LRMDA: variants seen among roughly 807,000 people sequenced by gnomAD.
The protein encoded by LRMDA is leucine rich melanocyte differentiation associated.
LRMDA carries 18 observed loss-of-function variants against 29.8 expected under a neutral mutation model. The ratio of observed to expected loss-of-function variants is 0.60; its 90% confidence interval spans 0.42 to 0.90. LRMDA has a LOEUF of 0.90. Among genes scored for constraint, LRMDA ranks in the 40% least tolerant of loss-of-function variants. The pLI, the probability that LRMDA is intolerant of heterozygous loss-of-function variation, is 0.00. For synonymous variants in LRMDA, 125 were observed against 109.4 expected, an observed-to-expected ratio of 1.14 and a Z score of -0.89; for missense variants, 273 against 273.9, an observed-to-expected ratio of 1.00 and a Z score of 0.02.
chr10:76,509,501 C>T (rs1220758012), intron 6 of LRMDA, among the ~76,000 whole-genome samples: 1 of 152,202 alleles, frequency 6.6e-6, no homozygotes, highest in East Asian at 1.9e-4. Context: ...ACTGGGTGTA[C>T]ATGCTAATAC....
At chr10:75,528,511 C>T (rs1430787910) in intron 2 of LRMDA, among the ~76,000 whole-genome samples, 1 of 152,128 alleles carries the variant, frequency 6.6e-6, no homozygotes, top group Non-Finnish European at 1.5e-5. Context: ...AGCCTTTATC[C>T]CTGAAGCAGG....
At chr10:75,770,770 T>C (rs2132234662) in intron 2 of LRMDA, among the ~76,000 whole-genome samples, 1 of 152,268 alleles carries the variant, frequency 6.6e-6, no homozygotes, top group Admixed American at 6.5e-5. Context: ...TTGTGGAAAC[T>C]CTCCTTGCTC....
At chr10:76,080,180 G>A (rs998066443) in intron 5 of LRMDA, among the ~76,000 whole-genome samples, 4 of 151,666 alleles carry the variant, frequency 2.6e-5, no homozygotes, top group African/African-American at 9.7e-5. Context: ...TCAATCCTTC[G>A]GTGCCCAACT....
intron 5 of LRMDA, among the ~76,000 whole-genome samples, chr10:76,129,851 G>C (rs1849954990): frequency 6.6e-6 from 1 of 152,102 alleles, no homozygotes; most frequent in Admixed American, 6.5e-5. Context: ...CATAGCAAGG[G>C]GTCTTCAACC....
rs147314528 is a variant in LRMDA at position 76,120,594 on chromosome 10, C to T, written c.516+61811C>T. The stretch of plus-strand genomic sequence containing the variant: ...AAACAACAACAAAAATAGGATCTTA[C>T]CAGTATATTGGAAAATATTTAAAAA... On this transcript the variant is annotated intron_variant, in intron 5 of 6. Transcript: ENST00000611255. 1.9e-4 allele frequency among the ~76,000 whole-genome samples: 29 copies of T among 152,134 alleles called. No homozygotes were observed. In the East Asian group the frequency reaches 3.7e-3, roughly 19 times the overall value.
chr10:75,981,866 AAAGTG>A (rs1380129973), intron 2 of LRMDA, among the ~76,000 whole-genome samples: 6 of 151,912 alleles, frequency 3.9e-5, no homozygotes, highest in Admixed American at 3.9e-4. Flanking sequence ...AAAAAAAAAA[AAAGTG>A]AGTGAGTGAT....
At chr10:75,601,745 T>C (rs369318014) in intron 2 of LRMDA, among the ~76,000 whole-genome samples, 2 of 152,206 alleles carry the variant, frequency 1.3e-5, no homozygotes, top group African/African-American at 4.8e-5. Context: ...TGTTCAATGC[T>C]TTACGTGTAT....
chr10:75,483,957 C>T (rs978601073), intron 2 of LRMDA, among the ~76,000 whole-genome samples: 20 of 150,506 alleles, frequency 1.3e-4, no homozygotes, highest in Non-Finnish European at 4.4e-5. Context: ...GTCCTCCCCA[C>T]TGCCACCCTT....
chr10:75,590,110 C>A (rs892645969), intron 2 of LRMDA, among the ~76,000 whole-genome samples: 2 of 151,266 alleles, frequency 1.3e-5, no homozygotes, highest in African/African-American at 2.4e-5. Context: ...GCCTTGACCT[C>A]TTGGGCTCAG....
rs369163820 is a variant in LRMDA, at chr10:76,037,481, C to T, written c.258+1347C>T. Among the ~76,000 whole-genome samples the T allele has an allele frequency of 3.9e-5, 6 of 152,230 alleles. No homozygotes were observed. In the East Asian group the frequency reaches 9.6e-4, roughly 24 times the overall value. On this transcript the variant is annotated intron_variant, in intron 3 of 6. Coordinates refer to ENST00000611255, the MANE Select transcript of LRMDA (RefSeq NM_001305581.2). Reference sequence around the variant, plus strand: ...TGTTAGCTACTGTTTATACTTCAAGCCATAAGTTAATGTTTTCTTTATTCT... The same window carrying T: ...TGTTAGCTACTGTTTATACTTCAAGTCATAAGTTAATGTTTTCTTTATTCT...
At chr10:75,841,952 A>T (rs1457666456) in intron 2 of LRMDA, among the ~76,000 whole-genome samples, 2 of 152,158 alleles carry the variant, frequency 1.3e-5, no homozygotes, top group Non-Finnish European at 2.9e-5. Context: ...TCATTGGTAG[A>T]TGGAGATGAT....
intron 5 of LRMDA, among the ~76,000 whole-genome samples, chr10:76,234,230 T>A (rs1367247601): frequency 6.6e-6 from 1 of 152,204 alleles, no homozygotes; most frequent in Non-Finnish European, 1.5e-5. Flanking sequence ...ACCAGGTATA[T>A]TGTCAATGAG....
intron 2 of LRMDA, among the ~76,000 whole-genome samples, chr10:75,830,194 G>C (rs1844315956): frequency 6.6e-6 from 1 of 152,162 alleles, no homozygotes; most frequent in Non-Finnish European, 1.5e-5. Flanking sequence ...AAAATGGCCT[G>C]TGTGAAGCTC....
intron 2 of LRMDA, among the ~76,000 whole-genome samples, chr10:75,691,661 G>A (rs2951090): frequency 0.78 from 118,458 of 152,026 alleles, 47,039 homozygotes; most frequent in African/African-American, 0.94. Flanking sequence ...AAGAGGGTCT[G>A]CTCTGAGTTT....
chr10:75,781,673 A>G (rs1000605968), intron 2 of LRMDA, among the ~76,000 whole-genome samples: 2 of 152,224 alleles, frequency 1.3e-5, no homozygotes, highest in Non-Finnish European at 1.5e-5. Flanking sequence ...ATTCACATGC[A>G]AACTAGTGAG....
chr10:75,912,541 A>C (rs944553388), intron 2 of LRMDA, among the ~76,000 whole-genome samples: 1 of 152,150 alleles, frequency 6.6e-6, no homozygotes, highest in Non-Finnish European at 1.5e-5. Context: ...AGGTGGGAGG[A>C]ATATGAGGCA....
intron 6 of LRMDA, among the ~76,000 whole-genome samples, chr10:76,373,936 T>C (rs570660835): frequency 8.9e-4 from 136 of 152,336 alleles, no homozygotes; most frequent in Non-Finnish European, 1.7e-3. Context: ...GCAAAATGTC[T>C]TGGTTTTCAA....
At chr10:76,123,827 G>A (rs560114557) in intron 5 of LRMDA, among the ~76,000 whole-genome samples, 143 of 152,290 alleles carry the variant, frequency 9.4e-4, no homozygotes, top group Non-Finnish European at 1.5e-3. Flanking sequence ...TCATCTTTCC[G>A]TGTATCTCAA....
chr10:75,584,135 C>A (rs1180241620), intron 2 of LRMDA, among the ~76,000 whole-genome samples: 1 of 152,198 alleles, frequency 6.6e-6, no homozygotes, highest in Non-Finnish European at 1.5e-5. Flanking sequence ...TTTCCCACAG[C>A]TAGCCCCTTC....
Sources: allele counts gnomAD v4.1 joint callset (sites outside exome capture counted in the v4.1 genomes callset), GRCh38; gene constraint gnomAD v4.1.1; transcripts MANE v1.5; gene names NCBI Gene and HGNC (gene_info 2026-07-23, HGNC 2026-07-21).